The following OTC variants were observed in gnomAD, a reference collection of about 807,000 sequenced individuals.
The protein encoded by OTC is ornithine transcarbamylase, also known as ornithine transcarbamylase, mitochondrial.
In OTC, 3 loss-of-function variants were observed where a neutral mutation model predicts 30.3. The observed-to-expected ratio is 0.10, with a 90% CI of 0.05 to 0.26. The LOEUF is 0.26. Among genes scored for constraint, OTC ranks in the 10% least tolerant of loss-of-function variants. The pLI, the probability that OTC is intolerant of heterozygous loss-of-function variation, is 1.00. For missense variants in OTC, 194 were observed against 260.3 expected (o/e 0.75, Z 1.75); for synonymous variants, 111 against 99.7 (o/e 1.11, Z -0.67).
the OTC span, among the ~76,000 whole-genome samples, chrX:38,329,795 C>T: frequency 9.0e-6 from 1 of 111,540 alleles, no homozygotes; most frequent in South Asian, 3.8e-4. Context: ...AGTTCATTTA[C>T]ATAGTAACCA....
At chrX:38,340,468 T>TG in the OTC span, among the ~76,000 whole-genome samples, 1 of 92,404 alleles carries the variant, frequency 1.1e-5, no homozygotes, top group Non-Finnish European at 2.1e-5. Flanking sequence ...TGTTTTTTTT[T>TG]TTTTGTTTTT....
the OTC span, among the ~76,000 whole-genome samples, chrX:38,344,282 G>T: frequency 9.2e-6 from 1 of 108,374 alleles, no homozygotes; most frequent in Non-Finnish European, 1.9e-5. Flanking sequence ...CACACACGTG[G>T]AGAGAAAAAA....
the OTC span, among the ~76,000 whole-genome samples, chrX:38,334,301 A>G: frequency 8.9e-6 from 1 of 112,400 alleles, no homozygotes; most frequent in Admixed American, 9.4e-5. Flanking sequence ...CTGGGATTTG[A>G]ACACAGGAAG....
chrX:38,387,701 A>G (rs1006420300), intron 4 of OTC, among the ~76,000 whole-genome samples: 1 of 111,942 alleles, frequency 8.9e-6, no homozygotes, highest in Non-Finnish European at 1.9e-5. Context: ...AAACAAAGCA[A>G]CATCAGCCAA....
intron 4 of OTC, among the ~76,000 whole-genome samples, chrX:38,384,715 A>G: frequency 9.0e-6 from 1 of 111,269 alleles, no homozygotes; most frequent in Non-Finnish European, 1.9e-5. Context: ...TTGCTGGTCC[A>G]GCTGCTTTGG....
intron 1 of OTC, among the ~76,000 whole-genome samples, chrX:38,362,382 A>G (rs996013098): frequency 9.0e-6 from 1 of 111,712 alleles, no homozygotes; most frequent in African/African-American, 3.3e-5. Flanking sequence ...TTTATTGGAG[A>G]TGTGATTCAA....
At chrX:38,402,734 C>T (rs1175038778) in intron 5 of OTC, among the ~76,000 whole-genome samples, 2 of 111,630 alleles carry the variant, frequency 1.8e-5, no homozygotes, top group East Asian at 5.6e-4. Flanking sequence ...TTCCTTTCCA[C>T]AAATATGTTA....
intron 3 of OTC, chrX:38,373,811 A>G (rs1208462506): frequency 8.9e-6 from 1 of 112,530 alleles, no homozygotes; most frequent in Non-Finnish European, 1.9e-5. Flanking sequence ...GCAGGGATCT[A>G]TGGGGAAGTA....
chrX:38,352,016 C>T (rs1034666917), upstream of OTC, among the ~76,000 whole-genome samples: 2 of 112,309 alleles, frequency 1.8e-5, no homozygotes, highest in Non-Finnish European at 3.8e-5. Context: ...CCGCCTCAGC[C>T]TCCCAAAGTG....
At chrX:38,373,162 G>T (rs2068330753) in intron 3 of OTC, among the ~76,000 whole-genome samples, 1 of 112,324 alleles carries the variant, frequency 8.9e-6, no homozygotes, top group Admixed American at 9.4e-5. Context: ...AATGGTAGTA[G>T]CACCCAGAAG....
intron 6 of OTC, among the ~76,000 whole-genome samples, chrX:38,404,533 A>G: frequency 8.9e-6 from 1 of 112,046 alleles, no homozygotes; most frequent in Non-Finnish European, 1.9e-5. Flanking sequence ...CATACCGTGT[A>G]CTTACACAAA....
At chrX:38,398,271 A>G (rs1014689333) in intron 4 of OTC, among the ~76,000 whole-genome samples, 3 of 111,718 alleles carry the variant, frequency 2.7e-5, no homozygotes, top group Admixed American at 1.9e-4. Flanking sequence ...TGCTCTAATT[A>G]CTTCAAGGTT....
intron 3 of OTC, among the ~76,000 whole-genome samples, chrX:38,376,496 G>A (rs1481892373): frequency 9.0e-6 from 1 of 111,655 alleles, no homozygotes; most frequent in African/African-American, 3.3e-5. Context: ...TATGAGTACA[G>A]ATGCTGACTA....
At chrX:38,346,254 G>T in the OTC span, among the ~76,000 whole-genome samples, 1 of 112,204 alleles carries the variant, frequency 8.9e-6, no homozygotes, top group Non-Finnish European at 1.9e-5. Context: ...ACCACAATTT[G>T]TACTACATAA....
At chrX:38,344,895 T>C in the OTC span, among the ~76,000 whole-genome samples, 1 of 95,642 alleles carries the variant, frequency 1.0e-5, no homozygotes, top group African/African-American at 3.8e-5. Flanking sequence ...ACAATTCAAG[T>C]AAAAAAAAAA....
chrX:38,382,505 ACT>A (rs759230620), intron 4 of OTC, among the ~76,000 whole-genome samples: 28 of 112,185 alleles, frequency 2.5e-4, no homozygotes, highest in African/African-American at 8.4e-4. Flanking sequence ...ATTTCAAATA[ACT>A]CTTCTTTAAA....
the OTC span, among the ~76,000 whole-genome samples, chrX:38,341,261 A>G: frequency 8.9e-6 from 1 of 112,167 alleles, no homozygotes; most frequent in Non-Finnish European, 1.9e-5. Flanking sequence ...CATGATGCAC[A>G]TAAGAAAAAA....
intron 9 of OTC, among the ~76,000 whole-genome samples, chrX:38,417,560 C>T (rs966366923): frequency 9.0e-6 from 1 of 111,721 alleles, no homozygotes; most frequent in African/African-American, 3.3e-5. Flanking sequence ...TTTTACATCT[C>T]TTACCATCTC....
chrX:38,370,853 G>C (rs1481279524), intron 3 of OTC, among the ~76,000 whole-genome samples: 6 of 111,119 alleles, frequency 5.4e-5, no homozygotes, highest in Middle Eastern at 9.3e-3. Flanking sequence ...TATATCTCTT[G>C]GTTTCATTCT....
Sources: allele counts gnomAD v4.1 joint callset (sites outside exome capture counted in the v4.1 genomes callset), GRCh38; gene constraint gnomAD v4.1.1; transcripts MANE v1.5; gene names NCBI Gene and HGNC (gene_info 2026-07-23, HGNC 2026-07-21).